Variants in TBC1D8 observed in about 807,000 individuals in gnomAD.
TBC1D8 encodes BUB2-like protein 1.
In TBC1D8, 65 loss-of-function variants were observed where a neutral mutation model predicts 118.8. The ratio of observed to expected loss-of-function variants is 0.55; its 90% CI spans 0.45 to 0.67. The LOEUF is 0.67. Ranked by LOEUF, TBC1D8 falls within the 30% of genes least tolerant of loss-of-function variation. The probability of loss-of-function intolerance (pLI) is 0.00; values close to 1 mark genes in which losing one functional copy is unlikely to be tolerated. For synonymous variants in TBC1D8, 566 were observed against 595.8 expected (o/e 0.95, Z 0.73); for missense variants, 1,376 against 1,471.2 (o/e 0.94, Z 1.06).
At chr2:101,103,359 A>C (rs1676986407) in intron 1 of TBC1D8, among the ~76,000 whole-genome samples, 2 of 151,498 alleles carry the variant, frequency 1.3e-5, no homozygotes, top group African/African-American at 4.8e-5. Flanking sequence ...AGGAAACAAA[A>C]AAAAAAAAAC....
chr2:101,031,851 C>T (rs1336305441), intron 11 of TBC1D8, among the ~76,000 whole-genome samples: 1 of 152,136 alleles, frequency 6.6e-6, no homozygotes, highest in Non-Finnish European at 1.5e-5. Context: ...CCTGTCTGAA[C>T]AAGCTCCCTG....
chr2:101,129,528 A>G (rs574160483), intron 1 of TBC1D8, among the ~76,000 whole-genome samples: 2 of 152,200 alleles, frequency 1.3e-5, no homozygotes, highest in Admixed American at 1.3e-4. Context: ...GAACAAAAGT[A>G]GCTGGAGAGA....
intron 15 of TBC1D8, among the ~76,000 whole-genome samples, chr2:101,026,244 ATTTG>A (rs1309683321): frequency 2.0e-5 from 3 of 152,190 alleles, no homozygotes; most frequent in Non-Finnish European, 4.4e-5. Flanking sequence ...AACTCACATA[ATTTG>A]TTTGCCTACT....
intron 9 of TBC1D8, among the ~76,000 whole-genome samples, chr2:101,035,295 C>T (rs1430526515): frequency 6.6e-6 from 1 of 152,128 alleles, no homozygotes; most frequent in Non-Finnish European, 1.5e-5. Flanking sequence ...TTCCTACCCT[C>T]GGGCCCAAGC....
At chr2:101,018,964 T>C in intron 17 of TBC1D8, 3 of 1,607,172 alleles carry the variant, frequency 1.9e-6, no homozygotes, top group Non-Finnish European at 2.5e-6. Flanking sequence ...TTACCTGACA[T>C]GGTACCAAAT....
chr2:101,135,537 G>A (rs1678817758), intron 1 of TBC1D8, among the ~76,000 whole-genome samples: 1 of 152,190 alleles, frequency 6.6e-6, no homozygotes, highest in Non-Finnish European at 1.5e-5. Context: ...AATGTTCTAC[G>A]TGGAGGCGCA....
chr2:101,019,997 C>T lies in TBC1D8; in HGVS notation c.2827+1684G>A, dbSNP rs190931820. On this transcript the variant is annotated intron_variant, in intron 17 of 19. Transcript: ENST00000409318. ...TGAGGCAGGAGAATGGTGTGGAACC[C>T]GGGAGGCGGAGCTTGCAGTGAGCCG... 3.2e-3 allele frequency among the ~76,000 whole-genome samples: 481 copies of T among 149,316 alleles called. 3 individuals are homozygous for T. The highest frequency in any genetic ancestry group is 0.011 in the African/African-American group (464 of 40,748).
chr2:101,095,249 T>TTTATTATTATTATTATTATCA (rs61200526), intron 1 of TBC1D8, among the ~76,000 whole-genome samples: 1 of 146,546 alleles, frequency 6.8e-6, no homozygotes, highest in Admixed American at 6.9e-5. Flanking sequence ...AAGTATTTTC[T>TTTATTATTATTATTATTATCA]TTATTATTAT....
At chr2:101,010,737 C>G (rs1286797624) in intron 19 of TBC1D8, among the ~76,000 whole-genome samples, 192 bp downstream of exon 19, 1 of 151,876 alleles carries the variant, frequency 6.6e-6, no homozygotes, top group Non-Finnish European at 1.5e-5. Flanking sequence ...ACAAAAATAG[C>G]CAGACGTGGT....
chr2:101,038,357 G>A (rs929860751), intron 7 of TBC1D8, 104 bp downstream of exon 7: 47 of 1,285,420 alleles, frequency 3.7e-5, no homozygotes, highest in African/African-American at 2.6e-4. Flanking sequence ...CACAGGCCCC[G>A]CATTCTTCTC....
At chr2:101,023,379 T>C (rs996920340) in intron 15 of TBC1D8, among the ~76,000 whole-genome samples, 9 of 151,822 alleles carry the variant, frequency 5.9e-5, no homozygotes, top group Non-Finnish European at 1.2e-4. Context: ...CTCTTGACCT[T>C]GGGTGATCCA....
chr2:101,058,975 G>A (rs986263344), intron 3 of TBC1D8, among the ~76,000 whole-genome samples: 37 of 151,370 alleles, frequency 2.4e-4, no homozygotes, highest in African/African-American at 8.3e-4. Flanking sequence ...GCTCTGTCTC[G>A]GCTCACTGCA....
chr2:101,130,258 GC>G (rs1430293621), intron 1 of TBC1D8, among the ~76,000 whole-genome samples: 1 of 152,236 alleles, frequency 6.6e-6, no homozygotes, highest in Non-Finnish European at 1.5e-5. Context: ...AGCCGAGGAG[GC>G]CTGGAAGCGT....
chr2:101,028,356 G>A lies in TBC1D8; in HGVS notation c.2299C>T (p.Gln767Ter), dbSNP rs1216422803. The A allele has an allele frequency of 6.2e-7, 1 of 1,612,546 alleles. No individual in the cohort carries two copies. The highest frequency in any genetic ancestry group is 8.5e-7 in the Non-Finnish European group (1 of 1,179,320). The change falls in exon 13 of 20, where the codon CAG becomes TAG. Residue 767 changes from glutamine to a stop codon, truncating the protein, a stop_gained. Transcript: ENST00000409318. LOFTEE classifies it high-confidence loss of function. ...GSHHAFFSDDQEPYPVTDISD... is the reference protein window; with the variant it reads ...GSHHAFFSDD Reference sequence around the variant, plus strand: ...ATATCAGTCACAGGGTAGGGCTCCTGGTCGTCGGAGAAAAAGGCATGGTGG... The same window carrying A: ...ATATCAGTCACAGGGTAGGGCTCCTAGTCGTCGGAGAAAAAGGCATGGTGG...
At chr2:101,094,195 T>C (rs2105461219) in intron 1 of TBC1D8, among the ~76,000 whole-genome samples, 1 of 152,274 alleles carries the variant, frequency 6.6e-6, no homozygotes, top group South Asian at 2.1e-4. Context: ...CTGCTCAGAA[T>C]TCCTGCCCCC....
At chr2:101,015,930 G>C (rs1168380154) in intron 17 of TBC1D8, among the ~76,000 whole-genome samples, 1 of 151,810 alleles carries the variant, frequency 6.6e-6, no homozygotes, top group Non-Finnish European at 1.5e-5. Context: ...ATTCAAGATG[G>C]ATTAAAGACT....
At chr2:101,053,342 G>T (rs896341913) in intron 4 of TBC1D8, among the ~76,000 whole-genome samples, 2 of 152,204 alleles carry the variant, frequency 1.3e-5, no homozygotes, top group Non-Finnish European at 2.9e-5. Context: ...CAGAACCAAG[G>T]CTGGCGAGCT....
chr2:101,077,314 C>T (rs1674904684), intron 2 of TBC1D8, among the ~76,000 whole-genome samples: 1 of 148,666 alleles, frequency 6.7e-6, no homozygotes, highest in Non-Finnish European at 1.5e-5. Context: ...GTGGCATGAT[C>T]TCGGCTCACT....
At chr2:101,110,998 A>T (rs1250713859) in intron 1 of TBC1D8, among the ~76,000 whole-genome samples, 3 of 145,932 alleles carry the variant, frequency 2.1e-5, no homozygotes, top group Non-Finnish European at 4.5e-5. Context: ...AAAAAAAAAA[A>T]GAACCAGAAC....
Sources: gnomAD v4.1 joint callset for allele counts (sites outside exome capture counted in the v4.1 genomes callset) on GRCh38, gnomAD v4.1.1 for gene constraint, MANE v1.5 for transcripts, NCBI Gene and HGNC (gene_info 2026-07-23, HGNC 2026-07-21) for gene names.